Variants in ZDHHC14 observed in about 807,000 individuals in gnomAD.
ZDHHC14 encodes palmitoyltransferase ZDHHC14.
ZDHHC14 carries 16 observed loss-of-function variants against 47.7 expected under a neutral mutation model. The observed-to-expected ratio is 0.34, with a 90% CI of 0.23 to 0.51. ZDHHC14 has a LOEUF of 0.51. Ranked by LOEUF, ZDHHC14 falls within the 20% of genes least tolerant of loss-of-function variation. ZDHHC14 has a pLI of 0.97. For missense variants in ZDHHC14, 515 were observed against 662.5 expected (o/e 0.78, Z 2.44); for synonymous variants, 293 against 278.9 (o/e 1.05, Z -0.50).
At chr6:157,590,677 AGC>A (rs1783874545) in intron 2 of ZDHHC14, among the ~76,000 whole-genome samples, 1 of 152,200 alleles carries the variant, frequency 6.6e-6, no homozygotes, top group Admixed American at 6.5e-5. Flanking sequence ...GTGGGGTCAG[AGC>A]CCCCACATAG....
intron 8 of ZDHHC14, among the ~76,000 whole-genome samples, chr6:157,660,350 G>A (rs1256441636): frequency 4.6e-5 from 7 of 152,032 alleles, no homozygotes; most frequent in African/African-American, 9.7e-5. Context: ...GCACCACCAC[G>A]TCAGGCTAAT....
intron 3 of ZDHHC14, among the ~76,000 whole-genome samples, chr6:157,609,663 C>T (rs1051765513): frequency 7.9e-5 from 12 of 152,210 alleles, no homozygotes; most frequent in Non-Finnish European, 2.9e-5. Context: ...AGTGTCTTTC[C>T]CTGTCTTGTG....
intron 1 of ZDHHC14, among the ~76,000 whole-genome samples, chr6:157,430,696 C>T (rs1443951521): frequency 6.6e-6 from 1 of 152,246 alleles, no homozygotes; most frequent in African/African-American, 2.4e-5. Context: ...GTGAATTCCC[C>T]TTTGCCATGT....
intron 1 of ZDHHC14, among the ~76,000 whole-genome samples, chr6:157,521,491 C>T (rs1313015082): frequency 6.6e-6 from 1 of 152,172 alleles, no homozygotes; most frequent in Non-Finnish European, 1.5e-5. Flanking sequence ...GATCAAGGAG[C>T]TGGCAGATTT....
intron 8 of ZDHHC14, 70 bp from the exon 9 acceptor site, chr6:157,672,654 C>T (rs1778850723): frequency 2.6e-6 from 3 of 1,171,352 alleles, no homozygotes; most frequent in Admixed American, 2.2e-5. Context: ...GCCCTGTCCC[C>T]ATCCCTGTCC....
chr6:157,549,226 C>T (rs2114818016), intron 2 of ZDHHC14, among the ~76,000 whole-genome samples: 1 of 152,368 alleles, frequency 6.6e-6, no homozygotes, highest in African/African-American at 2.4e-5. Context: ...CTCCCCGGTA[C>T]AGCCTCGAGC....
At chr6:157,651,643 A>C (rs1777844111) in intron 7 of ZDHHC14, among the ~76,000 whole-genome samples, 1 of 151,762 alleles carries the variant, frequency 6.6e-6, no homozygotes. Flanking sequence ...ATCTTGGCTC[A>C]CTGCAACTTC....
intron 1 of ZDHHC14, among the ~76,000 whole-genome samples, chr6:157,417,858 G>A (rs922656997): frequency 1.3e-5 from 2 of 151,876 alleles, no homozygotes; most frequent in Non-Finnish European, 2.9e-5. Context: ...GGAGGCTGAG[G>A]CAGGAGAATG....
At chr6:157,595,216 G>A in intron 3 of ZDHHC14, among the ~76,000 whole-genome samples, 1 of 69,334 alleles carries the variant, frequency 1.4e-5, no homozygotes, top group East Asian at 4.7e-4. Context: ...TTTTTGTGAT[G>A]GAGTCTTGCT....
intron 2 of ZDHHC14, among the ~76,000 whole-genome samples, chr6:157,590,288 C>T (rs754182335): frequency 2.6e-5 from 4 of 152,190 alleles, no homozygotes; most frequent in Non-Finnish European, 4.4e-5. Flanking sequence ...GAAAATGTCT[C>T]CAGAGCATGT....
intron 1 of ZDHHC14, among the ~76,000 whole-genome samples, chr6:157,493,508 T>G (rs914282936): frequency 4.6e-5 from 7 of 152,198 alleles, no homozygotes; most frequent in Non-Finnish European, 7.3e-5. Flanking sequence ...GCCAGAAGCA[T>G]GCCAGTCAGA....
intron 3 of ZDHHC14, among the ~76,000 whole-genome samples, chr6:157,619,527 CTT>C (rs1422315543): frequency 6.6e-6 from 1 of 152,220 alleles, no homozygotes; most frequent in Non-Finnish European, 1.5e-5. Context: ...CCCATAGAGA[CTT>C]AGCCACCTGC....
intron 1 of ZDHHC14, among the ~76,000 whole-genome samples, chr6:157,420,230 G>A (rs1309979170): frequency 2.6e-5 from 4 of 151,822 alleles, no homozygotes; most frequent in African/African-American, 4.8e-5. Context: ...TCATTGAAGG[G>A]GTGGGCTGAA....
intron 3 of ZDHHC14, 58 bp from the exon 4 acceptor site, chr6:157,628,290 TA>T (rs1785517387): frequency 1.4e-5 from 22 of 1,567,542 alleles, no homozygotes; most frequent in Non-Finnish European, 1.8e-5. Context: ...CTCCTGCAAG[TA>T]AAAAGACATT....
chr6:157,536,008 C>T (rs561677950), intron 1 of ZDHHC14, among the ~76,000 whole-genome samples: 105 of 152,274 alleles, frequency 6.9e-4, no homozygotes, highest in African/African-American at 2.5e-3. Flanking sequence ...ACCCTTAAAA[C>T]CTCCATTTCT....
At chr6:157,414,756 A>C (rs1324947522) in intron 1 of ZDHHC14, among the ~76,000 whole-genome samples, 1 of 150,366 alleles carries the variant, frequency 6.7e-6, no homozygotes. Context: ...TTCCTGACAG[A>C]CTTACGAAAT....
At position 157,673,113 on chromosome 6, in the gene ZDHHC14, C is replaced by T. The variant is rs773889387; in HGVS notation, c.1458C>T (p.Ser486=). 5 of 1,572,742 alleles carry T rather than the reference C, an allele frequency of 3.2e-6. No individual in the cohort carries two copies. In the South Asian group the frequency reaches 3.4e-5, roughly 11 times the overall value. The part of the protein sequence containing the change: ...EDSVRGLVKL[S]SV ...CTGTGCGCGGCCTGGTGAAGCTCAG[C>T]TCCGTGTGACCCACATGGCCCCAGG... Residue 486 remains serine (S), a synonymous_variant, in exon 9 of 9, where the codon AGC becomes AGT. Transcript: ENST00000359775. This position sits in a 1 kb window ranked among gnomAD's most constrained non-coding sequence, Gnocchi z 5.4.
chr6:157,601,298 G>T (rs889933242), intron 3 of ZDHHC14, among the ~76,000 whole-genome samples: 2 of 152,114 alleles, frequency 1.3e-5, no homozygotes, highest in Non-Finnish European at 2.9e-5. Flanking sequence ...AACAAATTAG[G>T]ATGTCTAGTA....
At chr6:157,548,958 T>G (rs1782100534) in intron 2 of ZDHHC14, among the ~76,000 whole-genome samples, 1 of 152,230 alleles carries the variant, frequency 6.6e-6, no homozygotes, top group African/African-American at 2.4e-5. Flanking sequence ...CCGTGTAGGA[T>G]GTGGCCGCGG....
Sources: allele counts gnomAD v4.1 joint callset (sites outside exome capture counted in the v4.1 genomes callset), GRCh38; gene constraint gnomAD v4.1.1; non-coding constraint Gnocchi (gnomAD v3.1); transcripts MANE v1.5; gene names NCBI Gene and HGNC (gene_info 2026-07-23, HGNC 2026-07-21).